SLC17A1: variants seen among roughly 807,000 people sequenced by gnomAD.
The protein encoded by SLC17A1 is solute carrier family 17 member 1, also known as sodium-dependent phosphate transport protein 1.
Under a neutral mutation model 53.5 loss-of-function variants are expected in SLC17A1, and 51 were observed. That is an observed-to-expected ratio of 0.95 (90% confidence interval 0.76 to 1.20). The LOEUF is 1.20. Ranked by LOEUF, SLC17A1 falls within the 50% of genes most tolerant of loss-of-function variation. The pLI is 0.00. For missense variants in SLC17A1, 538 were observed against 568.2 expected (o/e 0.95, Z 0.54); for synonymous variants, 179 against 198.8 (o/e 0.90, Z 0.84).
chr6:25,767,970 A>G, the SLC17A1 span, among the ~76,000 whole-genome samples: 1 of 152,210 alleles, frequency 6.6e-6, no homozygotes, highest in Admixed American at 6.5e-5. Context: ...TTAACTGAAG[A>G]TAACTATAAA....
the SLC17A1 span, among the ~76,000 whole-genome samples, chr6:25,728,306 A>T: frequency 6.6e-6 from 1 of 152,166 alleles, no homozygotes; most frequent in Admixed American, 6.5e-5. Flanking sequence ...TCTTAAATTT[A>T]TAATAGTTTC....
At chr6:25,810,967 C>G (rs1230404923) in intron 10 of SLC17A1, among the ~76,000 whole-genome samples, 1 of 152,038 alleles carries the variant, frequency 6.6e-6, no homozygotes, top group Non-Finnish European at 1.5e-5. Context: ...TTGAATGAAC[C>G]TGGAGGACAT....
chr6:25,771,521 C>A, the SLC17A1 span, among the ~76,000 whole-genome samples: 1 of 151,736 alleles, frequency 6.6e-6, no homozygotes, highest in African/African-American at 2.4e-5. Context: ...GTGCAGTGAG[C>A]CAAGATCACA....
chr6:25,739,631 C>T, the SLC17A1 span, among the ~76,000 whole-genome samples: 1 of 152,102 alleles, frequency 6.6e-6, no homozygotes, highest in Admixed American at 6.5e-5. Context: ...TATTGGTATA[C>T]AGAATGAGTA....
At chr6:25,768,882 T>G in the SLC17A1 span, 1 of 1,075,660 alleles carries the variant, frequency 9.3e-7, no homozygotes, top group Non-Finnish European at 1.4e-6. Context: ...TCTCCCTATA[T>G]TTCTGCATCT....
intron 6 of SLC17A1, among the ~76,000 whole-genome samples, chr6:25,816,656 G>A (rs962752324): frequency 2.0e-5 from 3 of 152,258 alleles, no homozygotes; most frequent in Non-Finnish European, 2.9e-5. Context: ...CTAGTCAGAT[G>A]TGAGTTAAGG....
chr6:25,747,557 G>C, the SLC17A1 span, among the ~76,000 whole-genome samples: 2 of 152,198 alleles, frequency 1.3e-5, no homozygotes, highest in African/African-American at 4.8e-5. Flanking sequence ...TACCGTTATG[G>C]ACTGAATGTT....
At chr6:25,726,846 A>C in the SLC17A1 span, 38 of 1,539,706 alleles carry the variant, frequency 2.5e-5, no homozygotes, top group Non-Finnish European at 2.4e-5. Flanking sequence ...GCTGTTGAGC[A>C]CTGGAAAGTG....
the SLC17A1 span, among the ~76,000 whole-genome samples, chr6:25,776,010 A>G: frequency 6.6e-6 from 1 of 152,126 alleles, no homozygotes; most frequent in South Asian, 2.1e-4. Context: ...TCTGTGGAGT[A>G]AATTTCTGCA....
the SLC17A1 span, among the ~76,000 whole-genome samples, chr6:25,755,515 G>A: frequency 6.6e-6 from 1 of 152,120 alleles, no homozygotes; most frequent in Non-Finnish European, 1.5e-5. Context: ...CTGATAACTA[G>A]CAGAGGAACA....
the SLC17A1 span, among the ~76,000 whole-genome samples, chr6:25,763,782 CAGTT>C: frequency 6.6e-6 from 1 of 152,298 alleles, no homozygotes; most frequent in African/African-American, 2.4e-5. Context: ...CTATCAGTGT[CAGTT>C]AGGGATTTCT....
the SLC17A1 span, among the ~76,000 whole-genome samples, chr6:25,741,572 G>A: frequency 6.6e-6 from 1 of 152,114 alleles, no homozygotes; most frequent in East Asian, 1.9e-4. Context: ...AAAATTAGCT[G>A]GGCGTGGTCA....
At chr6:25,820,507 A>G (rs1365745999) in intron 3 of SLC17A1, among the ~76,000 whole-genome samples, 1 of 152,210 alleles carries the variant, frequency 6.6e-6, no homozygotes, top group African/African-American at 2.4e-5. Context: ...CTTGGTTCTG[A>G]TGTGGCATAT....
chr6:25,761,949 A>C, the SLC17A1 span: 1 of 1,609,212 alleles, frequency 6.2e-7, no homozygotes, highest in Non-Finnish European at 8.5e-7. Context: ...AGTCCCTAGG[A>C]AGAGAGAACC....
In SLC17A1 at chr6:25,820,350, G is replaced by A. The variant is rs551914487; in HGVS notation, c.208-435C>T. Among the ~76,000 whole-genome samples, 13 of 152,132 alleles carry A rather than the reference G, an allele frequency of 8.5e-5. No individual in the cohort carries two copies. In the South Asian group the frequency reaches 1.9e-3, roughly 22 times the overall value. On this transcript the variant is annotated intron_variant, in intron 3 of 12. Transcript: ENST00000244527. ...CTCCTCCATTAATTTAAGCTCATTC[G>A]CAAAATCACTTTTCCCCATATACAT...
chr6:25,785,216 C>T (rs1010037324), intron 12 of SLC17A1, among the ~76,000 whole-genome samples: 6 of 151,992 alleles, frequency 3.9e-5, no homozygotes, highest in African/African-American at 9.7e-5. Flanking sequence ...AACTTATATT[C>T]GAAAACTTCA....
chr6:25,774,616 A>G, the SLC17A1 span, among the ~76,000 whole-genome samples: 3 of 152,166 alleles, frequency 2.0e-5, no homozygotes, highest in Admixed American at 2.0e-4. Context: ...GACACCACAT[A>G]AGCAGGAGTC....
Position 25,830,606 on chromosome 6 carries a change from C to T in SLC17A1, c.-49G>A, listed in dbSNP as rs200081799. 1.2e-5 allele frequency: 20 copies of T among 1,611,140 alleles called. No homozygotes were observed. The East Asian group carries it at 4.0e-4, about 32-fold the overall frequency. On this transcript the variant is annotated splice_region_variant and 5_prime_UTR_variant, in exon 2 of 13. Coordinates refer to ENST00000244527, the MANE Select transcript of SLC17A1 (RefSeq NM_005074.5). Reference sequence around the variant, plus strand: ...CTTGCTGAAGGGTTTTGCCTCCACCCACTGTGAGTGCAAAACACGTTGATG... The same window carrying T: ...CTTGCTGAAGGGTTTTGCCTCCACCTACTGTGAGTGCAAAACACGTTGATG...
chr6:25,776,546 G>T, the SLC17A1 span: 57 of 1,548,994 alleles, frequency 3.7e-5, no homozygotes, highest in East Asian at 1.2e-3. Context: ...TCTGTGTCGT[G>T]GTGGGGGTGG....
Sources: allele counts gnomAD v4.1 joint callset (sites outside exome capture counted in the v4.1 genomes callset), GRCh38; gene constraint gnomAD v4.1.1; transcripts MANE v1.5; gene names NCBI Gene and HGNC (gene_info 2026-07-23, HGNC 2026-07-21).